Variants in PML observed in about 807,000 individuals in gnomAD.
The protein encoded by PML is protein PML.
In PML, 28 loss-of-function variants were observed where a neutral mutation model predicts 65.2. The observed-to-expected ratio is 0.43, with a 90% confidence interval of 0.32 to 0.59. The LOEUF (loss-of-function observed/expected upper bound fraction) is 0.59, where lower values mean the gene tolerates loss of function less well. PML is among the 20% of genes least tolerant of loss of function. PML has a pLI of 0.08. For synonymous variants in PML, 500 were observed against 508.8 expected (o/e 0.98, Z 0.23); for missense variants, 1,021 against 1,203.4 (o/e 0.85, Z 2.24).
In PML at chr15:74,023,033, C is replaced by T; in HGVS notation, c.808C>T (p.Arg270Cys). The T allele has an allele frequency of 6.2e-7, 1 of 1,605,100 alleles. No individual in the cohort carries two copies. The highest frequency in any genetic ancestry group is 8.5e-7 in the Non-Finnish European group (1 of 1,178,230). The stretch of plus-strand genomic sequence containing the variant: ...GCACGCGGCCGTCGGCCAGCTGGGC[C>T]GCGCGCGTGCCGAGACCGAGGAGCT... ...QMHAAVGQLG[R>C]ARAETEELIR... is the part of the protein sequence containing the mutation. The change falls in exon 3 of 9, where the codon CGC becomes TGC. Residue 270 changes from arginine to cysteine, a missense_variant. Physicochemically the swap from Arg to Cys is radical, Grantham distance 180. Coordinates refer to ENST00000268058, the MANE Select transcript of PML (RefSeq NM_033238.3).
intron 2 of PML, among the ~76,000 whole-genome samples, chr15:74,006,450 T>C (rs1190332130): frequency 6.6e-6 from 1 of 150,994 alleles, no homozygotes; most frequent in Non-Finnish European, 1.5e-5. Context: ...GCATCTAGCA[T>C]GGGTATCACA....
At chr15:73,996,228 A>C (rs2069498745) in intron 1 of PML, among the ~76,000 whole-genome samples, 1 of 152,260 alleles carries the variant, frequency 6.6e-6, no homozygotes, top group South Asian at 2.1e-4. Context: ...TCTTTAAACC[A>C]TAGGGGAGGG....
chr15:73,994,961 T>C lies in PML; in HGVS notation c.129+20T>C. On this transcript the variant is annotated intron_variant, in intron 1 of 8. Transcript: ENST00000268058. ...ACAGAGGTACTATTGGGTTAGGGGA[T>C]GATGGGGTTAAGCTTTGTTGGTTTG... 3 of 1,522,406 alleles carry C rather than the reference T, an allele frequency of 2.0e-6. No individual in the cohort carries two copies. Among genetic ancestry groups the C allele is most frequent in the South Asian group, 1.2e-5 (1 of 81,958 alleles). 94.3% of individuals were successfully genotyped at this position (1,522,406 alleles called of 1,614,324 possible). A position where few individuals can be genotyped will look rare whatever the true frequency, so the allele number is the denominator to read the frequency against.
chr15:74,028,800 AG>A (rs2071192035), intron 4 of PML, among the ~76,000 whole-genome samples: 1 of 152,216 alleles, frequency 6.6e-6, no homozygotes, highest in Non-Finnish European at 1.5e-5. Flanking sequence ...CAGTGTTCTC[AG>A]GGTTCATCCA....
rs755818610 is a variant in PML at position 74,035,994 on chromosome 15, C to T, written c.1710+1464C>T. 6.2e-7 allele frequency: 1 copy of T among 1,614,118 alleles called. No homozygotes were observed. The highest frequency in any genetic ancestry group is 8.5e-7 in the Non-Finnish European group (1 of 1,180,030). On this transcript the variant is annotated intron_variant, in intron 7 of 8. Transcript: ENST00000268058. The surrounding 1 kb of genome is among the most constrained non-coding windows in gnomAD (Gnocchi z 4.1). ...TGTAACCTTGCAGCCAACACCCCTG[C>T]CCGGCCCCTGAGCTGCCTCCTCCAG...
chr15:74,032,382 T>A (rs2071360191), intron 4 of PML, 190 bp from the exon 5 acceptor site: 4 of 633,198 alleles, frequency 6.3e-6, no homozygotes, highest in Non-Finnish European at 1.1e-5. Flanking sequence ...AAAATTTTTT[T>A]AAAAAAAGGA....
intron 2 of PML, among the ~76,000 whole-genome samples, chr15:74,020,287 C>CTTTTT (rs1187914506): frequency 1.7e-5 from 2 of 116,272 alleles, no homozygotes. Flanking sequence ...TGACTTATTC[C>CTTTTT]TTTTTTTTTT....
rs1595923410 is a variant in PML at position 74,043,800 on chromosome 15, TA to T, written c.1862-420del. On this transcript the variant is annotated intron_variant, in intron 8 of 8. Transcript: ENST00000268058. The surrounding 1 kb of genome is among the most constrained non-coding windows in gnomAD (Gnocchi z 4.3). ...GCCTTGCTCTGAGTGGAGTGCTTTCTATGTCCCAGGGCTCTGACTGGGCTGG... is the reference window on the plus strand; with the variant it reads ...GCCTTGCTCTGAGTGGAGTGCTTTCTTGTCCCAGGGCTCTGACTGGGCTGG... The T allele has an allele frequency of 5.6e-6, 3 of 534,926 alleles. No homozygotes were observed. In the East Asian group the frequency reaches 1.5e-4, roughly 27 times the overall value. The allele number at this position is 534,926 out of a possible 1,614,324, so 33.1% of individuals were successfully genotyped here. A position where few individuals can be genotyped will look rare whatever the true frequency, so the allele number is the denominator to read the frequency against.
At chr15:74,016,790 A>ATTTTTTT (rs1419052993) in intron 2 of PML, among the ~76,000 whole-genome samples, 1 of 64,466 alleles carries the variant, frequency 1.6e-5, no homozygotes, top group Admixed American at 1.5e-4. Flanking sequence ...AGGCAGTGGC[A>ATTTTTTT]TCTTTTTTTT....
Position 74,042,882 on chromosome 15 carries a change from C to T in PML, c.1711-107C>T. 1 of 1,599,120 alleles carries T rather than the reference C, an allele frequency of 6.3e-7. No homozygotes were observed. The highest frequency in any genetic ancestry group is 2.2e-5 in the East Asian group (1 of 44,448). ...TCCCCTTTCCCAGTGGTACACCCTC[C>T]TTCATGTGCACGCAGATGCTCCCAG... On this transcript the variant is annotated intron_variant, in intron 7 of 8. Transcript: ENST00000268058. This position sits in a 1 kb window ranked among gnomAD's most constrained non-coding sequence, Gnocchi z 5.3.
intron 2 of PML, among the ~76,000 whole-genome samples, chr15:74,007,830 A>C (rs1443537083): frequency 6.6e-6 from 1 of 152,184 alleles, no homozygotes; most frequent in Non-Finnish European, 1.5e-5. Context: ...CCCCTCCTTG[A>C]GATCACAGCC....
intron 4 of PML, chr15:74,031,127 G>A: frequency 3.4e-6 from 1 of 290,500 alleles, no homozygotes; most frequent in East Asian, 9.4e-5. Context: ...TACCCATGAA[G>A]CAGTCAGTCC....
intron 4 of PML, 179 bp from the exon 5 acceptor site, chr15:74,032,393 G>T: frequency 1.5e-6 from 1 of 656,198 alleles, no homozygotes; most frequent in East Asian, 2.7e-5. Flanking sequence ...AAAAAAAGGA[G>T]GTGATGTGAT....
At chr15:74,023,745 C>T (rs976059201) in intron 3 of PML, among the ~76,000 whole-genome samples, 1 of 152,162 alleles carries the variant, frequency 6.6e-6, no homozygotes, top group African/African-American at 2.4e-5. Flanking sequence ...CCAAGCACTT[C>T]AGGAGGTTCT....
chr15:74,004,536 A>T (rs1041740892), intron 2 of PML, among the ~76,000 whole-genome samples: 1 of 152,090 alleles, frequency 6.6e-6, no homozygotes, highest in Admixed American at 6.5e-5. Flanking sequence ...CCTGGCTTCA[A>T]GTGATCCTCC....
chr15:74,043,616 G>C lies in PML; in HGVS notation c.1861+477G>C, dbSNP rs2071737414. The C allele has an allele frequency of 2.1e-6, 1 of 469,786 alleles. No individual in the cohort carries two copies. Among genetic ancestry groups the C allele is most frequent in the African/African-American group, 2.0e-5 (1 of 50,692 alleles). 29.1% of individuals were successfully genotyped at this position (469,786 alleles called of 1,614,324 possible). On this transcript the variant is annotated intron_variant, in intron 8 of 8. Transcript: ENST00000268058. The surrounding 1 kb of genome is among the most constrained non-coding windows in gnomAD (Gnocchi z 4.3). The stretch of plus-strand genomic sequence containing the variant: ...CCTGGAAGCCCCTCTACTTCCTCCA[G>C]TGCTTGCCCTGGCTCTGCAAATGCC...
chr15:74,041,633 A>T (rs552182611), intron 7 of PML: 2 of 152,386 alleles, frequency 1.3e-5, no homozygotes, highest in East Asian at 3.9e-4. Context: ...GGGCTGTGAA[A>T]TGCAAATCCA....
rs746481117 is a variant in PML at position 74,044,571 on chromosome 15, A to G, written c.2212A>G (p.Met738Val). The G allele has an allele frequency of 1.2e-6, 2 of 1,611,824 alleles. No individual in the cohort carries two copies. The highest frequency in any genetic ancestry group is 2.2e-5 in the East Asian group (1 of 44,876). Residue 738 changes from methionine to valine, a missense_variant, in exon 9 of 9, where the codon ATG becomes GTG. Met to Val is a conservative substitution (Grantham distance 21). Coordinates refer to ENST00000268058, the MANE Select transcript of PML (RefSeq NM_033238.3). ...GGCCCAGACCTACCTGGCGAGAAAC[A>G]TGAGCGAGCGCAGCGCCATGGCTGC... ...NLAQTYLARN[M>V]SERSAMAAVL...
intron 1 of PML, among the ~76,000 whole-genome samples, chr15:73,997,378 A>G (rs1203743706): frequency 6.6e-6 from 1 of 152,226 alleles, no homozygotes; most frequent in East Asian, 1.9e-4. Flanking sequence ...CACTTAGCAT[A>G]ATGTCATTGA....
Sources: allele counts gnomAD v4.1 joint callset (sites outside exome capture counted in the v4.1 genomes callset), GRCh38; gene constraint gnomAD v4.1.1; non-coding constraint Gnocchi (gnomAD v3.1); transcripts MANE v1.5; gene names NCBI Gene and HGNC (gene_info 2026-07-23, HGNC 2026-07-21).